The following OIT3 variants were observed in gnomAD, a reference collection of about 807,000 sequenced individuals.
OIT3 encodes the protein oncoprotein induced transcript 3.
In OIT3, 41 loss-of-function variants were observed where a neutral mutation model predicts 52.2. The ratio of observed to expected loss-of-function variants is 0.79; its 90% CI spans 0.61 to 1.02. OIT3 has a LOEUF of 1.02. OIT3 is among the 50% of genes least tolerant of loss of function. The pLI is 0.00. For missense variants in OIT3, 634 were observed against 715.5 expected, an observed-to-expected ratio of 0.89 and a Z score of 1.30; for synonymous variants, 244 against 276.9, an observed-to-expected ratio of 0.88 and a Z score of 1.18.
intron 2 of OIT3, among the ~76,000 whole-genome samples, chr10:72,900,150 A>G (rs1589520803): frequency 6.6e-6 from 1 of 152,220 alleles, no homozygotes; most frequent in African/African-American, 2.4e-5. Flanking sequence ...GGCTGCACTT[A>G]TGAGGCTCTC....
chr10:72,895,738 C>T (rs1169963900), intron 1 of OIT3, among the ~76,000 whole-genome samples: 2 of 152,102 alleles, frequency 1.3e-5, no homozygotes, highest in Non-Finnish European at 2.9e-5. Flanking sequence ...CTTGGCCCTG[C>T]GTGGTCCTGG....
intron 1 of OIT3, among the ~76,000 whole-genome samples, chr10:72,897,320 G>A (rs1428548614): frequency 6.6e-6 from 1 of 152,118 alleles, no homozygotes; most frequent in Admixed American, 6.6e-5. Flanking sequence ...CACTGTGCCT[G>A]GCCAAAATGT....
intron 6 of OIT3, 36 bp from the exon 7 acceptor site, chr10:72,924,193 C>T (rs777233128): frequency 2.6e-6 from 4 of 1,525,852 alleles, no homozygotes; most frequent in Admixed American, 4.1e-5. Context: ...AACAAACAGA[C>T]AATCTCTTTC....
intron 7 of OIT3, among the ~76,000 whole-genome samples, chr10:72,926,259 A>G (rs1165768760): frequency 3.3e-5 from 5 of 152,176 alleles, no homozygotes; most frequent in South Asian, 2.1e-4. Flanking sequence ...GTTTTTCACT[A>G]CAGCCAGCCT....
chr10:72,908,868 C>G (rs1846003155), intron 4 of OIT3, among the ~76,000 whole-genome samples: 1 of 151,426 alleles, frequency 6.6e-6, no homozygotes, highest in South Asian at 2.1e-4. Flanking sequence ...ATAGTCCAAA[C>G]ATATATGTTT....
At chr10:72,918,551 C>A in intron 6 of OIT3, 1 of 1,232,184 alleles carries the variant, frequency 8.1e-7, no homozygotes, top group Middle Eastern at 2.7e-4. Context: ...GCGGCACACA[C>A]TTAGGTGGGA....
chr10:72,931,009 T>C (rs1846212371), intron 8 of OIT3, among the ~76,000 whole-genome samples: 1 of 152,200 alleles, frequency 6.6e-6, no homozygotes. Context: ...AATAGTGAAA[T>C]GTTCACTGAA....
rs144410671 is a variant in OIT3, at chr10:72,898,933, A to C, written c.331A>C (p.Asn111His). The change falls in exon 2 of 9, where the codon AAC (asparagine) becomes CAC (histidine). Residue 111 changes from asparagine to histidine, a missense_variant. Asn to His is a moderately conservative substitution (Grantham distance 68). Coordinates refer to ENST00000334011, the MANE Select transcript of OIT3 (RefSeq NM_152635.3). ...CCAGGCTTGTGCCAGCTTCAATGGG[A>C]ACTGCTGTCTCTGGAACACCACGGT... ...QRQACASFNG[N>H]CCLWNTTVEV... The C allele has an allele frequency of 7.4e-4, 1,201 of 1,614,178 alleles. 12 individuals carry two copies. In the East Asian group the frequency reaches 0.024, roughly 32 times the overall value.
intron 2 of OIT3, 56 bp from the exon 3 acceptor site, chr10:72,900,321 G>A: frequency 1.3e-6 from 1 of 748,448 alleles, no homozygotes; most frequent in Non-Finnish European, 2.3e-6. Context: ...TAAAAAGAAT[G>A]AAAGAGTGTC....
chr10:72,923,528 C>G (rs911183406), intron 6 of OIT3, among the ~76,000 whole-genome samples: 1 of 152,154 alleles, frequency 6.6e-6, no homozygotes, highest in African/African-American at 2.4e-5. Context: ...TCACCTCCCC[C>G]TCCTCAGGTT....
intron 5 of OIT3, among the ~76,000 whole-genome samples, chr10:72,912,881 T>C (rs1472378478): frequency 6.6e-6 from 1 of 152,218 alleles, no homozygotes; most frequent in Admixed American, 6.5e-5. Flanking sequence ...CTGTTTTTAT[T>C]GTCTCTGTTT....
intron 1 of OIT3, among the ~76,000 whole-genome samples, chr10:72,897,066 C>T (rs1462458904): frequency 6.6e-6 from 1 of 152,134 alleles, no homozygotes; most frequent in Non-Finnish European, 1.5e-5. Context: ...CTCTCTTGCC[C>T]AGGCTGGAAT....
intron 7 of OIT3, 51 bp downstream of exon 7, chr10:72,924,695 C>G: frequency 7.0e-7 from 1 of 1,423,048 alleles, no homozygotes; most frequent in Non-Finnish European, 9.6e-7. Flanking sequence ...CATCCGGCCT[C>G]TAAGTTCACA....
chr10:72,930,679 C>CTT (rs368917423), intron 8 of OIT3, 42 bp downstream of exon 8: 374 of 756,816 alleles, frequency 4.9e-4, no homozygotes, highest in South Asian at 1.2e-3. Flanking sequence ...GAACCTGAGC[C>CTT]TTTTTTTTTT....
chr10:72,908,321 G>A (rs1040862953), intron 4 of OIT3, among the ~76,000 whole-genome samples: 6 of 152,066 alleles, frequency 3.9e-5, no homozygotes, highest in Non-Finnish European at 8.8e-5. Context: ...GAGATAAATG[G>A]TGTAATTGTT....
At chr10:72,904,953 T>C (rs1400930388) in intron 3 of OIT3, among the ~76,000 whole-genome samples, 4 of 152,136 alleles carry the variant, frequency 2.6e-5, no homozygotes, top group Non-Finnish European at 4.4e-5. Flanking sequence ...CTCCCACTCA[T>C]GGAGGAAGGT....
chr10:72,918,022 C>A, intron 6 of OIT3: 1 of 825,384 alleles, frequency 1.2e-6, no homozygotes, highest in Non-Finnish European at 2.1e-6. Context: ...TCATCTTCTT[C>A]ATCGTCATCA....
At chr10:72,918,337 A>G in intron 6 of OIT3, 1 of 768,124 alleles carries the variant, frequency 1.3e-6, no homozygotes, top group Non-Finnish European at 2.4e-6. Flanking sequence ...CTGCCTTCGT[A>G]ATTCATTGCC....
At chr10:72,922,794 C>T (rs1245506426) in intron 6 of OIT3, among the ~76,000 whole-genome samples, 1 of 152,124 alleles carries the variant, frequency 6.6e-6, no homozygotes, top group East Asian at 1.9e-4. Context: ...TGTTCTTGCA[C>T]TGATTCTTTC....
Sources: allele counts gnomAD v4.1 joint callset (sites outside exome capture counted in the v4.1 genomes callset), GRCh38; gene constraint gnomAD v4.1.1; transcripts MANE v1.5; gene names NCBI Gene and HGNC (gene_info 2026-07-23, HGNC 2026-07-21).